NCALD: variants seen among roughly 807,000 people sequenced by gnomAD.
The protein encoded by NCALD is neurocalcin delta, also known as neurocalcin-delta.
Under a neutral mutation model 18.6 loss-of-function variants are expected in NCALD, and 10 were observed. The ratio of observed to expected loss-of-function variants is 0.54; its 90% CI spans 0.33 to 0.91. The LOEUF (loss-of-function observed/expected upper bound fraction) is 0.91, where lower values mean the gene tolerates loss of function less well. NCALD is among the 40% of genes least tolerant of loss of function. NCALD has a pLI of 0.03. For synonymous variants in NCALD, 88 were observed against 87.4 expected, an observed-to-expected ratio of 1.01 and a Z score of -0.04; for missense variants, 184 against 247.6, an observed-to-expected ratio of 0.74 and a Z score of 1.72.
intron 3 of NCALD, among the ~76,000 whole-genome samples, chr8:101,902,113 A>G (rs527900965): frequency 6.6e-6 from 1 of 152,132 alleles, no homozygotes; most frequent in Non-Finnish European, 1.5e-5. Context: ...TTGATAACAC[A>G]TGTTAGGTAG....
At chr8:102,049,547 G>C (rs1451282722) in intron 1 of NCALD, among the ~76,000 whole-genome samples, 1 of 152,058 alleles carries the variant, frequency 6.6e-6, no homozygotes, top group Non-Finnish European at 1.5e-5. Flanking sequence ...ATTCATTTGG[G>C]CAAATACCAA....
intron 1 of NCALD, among the ~76,000 whole-genome samples, chr8:102,056,597 G>C (rs1823659913): frequency 6.6e-6 from 1 of 152,224 alleles, no homozygotes; most frequent in Non-Finnish European, 1.5e-5. Flanking sequence ...CCATGGACTA[G>C]AGTCCTCCAT....
intron 2 of NCALD, among the ~76,000 whole-genome samples, chr8:101,981,710 C>T (rs1020422388): frequency 6.6e-6 from 1 of 152,242 alleles, no homozygotes; most frequent in East Asian, 1.9e-4. Flanking sequence ...GCTACATCTG[C>T]TGAACCTGGC....
At chr8:102,065,298 A>G (rs1438014875) in intron 1 of NCALD, among the ~76,000 whole-genome samples, 2 of 151,484 alleles carry the variant, frequency 1.3e-5, no homozygotes, top group Non-Finnish European at 2.9e-5. Context: ...ACTGCTCCAT[A>G]CGCAGGCGCC....
intron 1 of NCALD, among the ~76,000 whole-genome samples, chr8:102,096,315 G>A (rs964015689): frequency 6.6e-6 from 1 of 152,134 alleles, no homozygotes; most frequent in Non-Finnish European, 1.5e-5. Context: ...TCTCCCCTGT[G>A]TGTATCTGTG....
intron 2 of NCALD, among the ~76,000 whole-genome samples, chr8:101,959,953 C>A (rs1228785304): frequency 6.7e-6 from 1 of 150,214 alleles, no homozygotes; most frequent in Non-Finnish European, 1.5e-5. Flanking sequence ...GCTCCAACGT[C>A]CTTCCTGAAC....
At chr8:102,109,532 G>A (rs149185482) in intron 1 of NCALD, among the ~76,000 whole-genome samples, 55 of 152,284 alleles carry the variant, frequency 3.6e-4, no homozygotes, top group African/African-American at 1.3e-3. Context: ...CCCATCAGTG[G>A]AATAAATTTC....
At chr8:101,771,301 G>T (rs1811575769) in intron 1 of NCALD, among the ~76,000 whole-genome samples, 1 of 152,232 alleles carries the variant, frequency 6.6e-6, no homozygotes, top group East Asian at 1.9e-4. Context: ...GTGGAGGTGG[G>T]GTGGACAAAA....
At chr8:101,804,270 CTAAA>C (rs1269680178) in intron 4 of NCALD, among the ~76,000 whole-genome samples, 9 of 126,986 alleles carry the variant, frequency 7.1e-5, no homozygotes, top group Non-Finnish European at 1.4e-4. Flanking sequence ...TGCATTATCT[CTAAA>C]TATATACTAT....
intron 1 of NCALD, among the ~76,000 whole-genome samples, chr8:101,730,398 T>C (rs991139641): frequency 7.8e-5 from 11 of 141,806 alleles, no homozygotes; most frequent in African/African-American, 2.4e-4. Context: ...GAGAATCACT[T>C]GAATCTGGGA....
intron 3 of NCALD, among the ~76,000 whole-genome samples, chr8:101,903,462 TG>T (rs1259930855): frequency 6.6e-6 from 1 of 152,150 alleles, no homozygotes; most frequent in Non-Finnish European, 1.5e-5. Context: ...CCCAAAGTGC[TG>T]GGGATTACAG....
intron 4 of NCALD, among the ~76,000 whole-genome samples, chr8:101,831,113 G>T (rs906423244): frequency 6.6e-6 from 1 of 152,070 alleles, no homozygotes; most frequent in South Asian, 2.1e-4. Context: ...TTCAGTATTA[G>T]TAAAGTTTAA....
At chr8:101,731,844 T>C (rs1012004883) in intron 1 of NCALD, among the ~76,000 whole-genome samples, 6 of 152,160 alleles carry the variant, frequency 3.9e-5, no homozygotes, top group African/African-American at 1.4e-4. Context: ...AAAGGGCCCA[T>C]GAGAAAGTGG....
chr8:101,741,668 C>T (rs993909065), intron 1 of NCALD, among the ~76,000 whole-genome samples: 1 of 146,008 alleles, frequency 6.8e-6, no homozygotes, highest in Non-Finnish European at 1.5e-5. Context: ...TATGGTGGCT[C>T]ATTTTCCCAG....
intron 1 of NCALD, among the ~76,000 whole-genome samples, chr8:102,117,356 C>T (rs779340440): frequency 2.6e-4 from 40 of 152,202 alleles, no homozygotes; most frequent in Admixed American, 1.3e-4. Context: ...AATCCCTTTC[C>T]CTCAGTACAG....
chr8:102,058,672 C>T (rs1823739615), intron 1 of NCALD, among the ~76,000 whole-genome samples: 3 of 152,258 alleles, frequency 2.0e-5, no homozygotes, highest in South Asian at 2.1e-4. Context: ...ACAGTCTACA[C>T]TCTCAGGCAT....
In NCALD at chr8:101,768,002, A is replaced by G. The variant is rs898413880; in HGVS notation, c.-20+22860T>C. Among the ~76,000 whole-genome samples the G allele has an allele frequency of 2.0e-5, 3 of 152,234 alleles. No homozygotes were observed. The South Asian group carries it at 6.2e-4, about 31-fold the overall frequency. On this transcript the variant is annotated intron_variant, in intron 1 of 3. Coordinates refer to ENST00000220931, the MANE Select transcript of NCALD (RefSeq NM_032041.3). ...ATTTTATTTTCCTAATCTCACAGCAATTCTGGAAGTTATCATCTCTGTTTT... is the reference window on the plus strand; with the variant it reads ...ATTTTATTTTCCTAATCTCACAGCAGTTCTGGAAGTTATCATCTCTGTTTT...
At position 101,895,097 on chromosome 8, in the gene NCALD, T is replaced by C. The variant is rs904331450; in HGVS notation, c.-106-7870A>G. On this transcript the variant is annotated intron_variant, in intron 3 of 6. Transcript: ENST00000311028. ...TTATACCAATATCCTTGATGAACATTGATGCAAAAATCCTCAATAAAATAC... is the reference window on the plus strand; with the variant it reads ...TTATACCAATATCCTTGATGAACATCGATGCAAAAATCCTCAATAAAATAC... 3.4e-4 allele frequency among the ~76,000 whole-genome samples: 51 copies of C among 150,704 alleles called. 1 individual carries two copies. The highest frequency in any genetic ancestry group is 5.6e-4 in the Non-Finnish European group (38 of 68,004).
Position 101,719,343 on chromosome 8 carries a change from T to G in NCALD, c.287A>C (p.Lys96Thr). The G allele has an allele frequency of 6.2e-7, 1 of 1,614,214 alleles. No individual in the cohort carries two copies. Among genetic ancestry groups the G allele is most frequent in the East Asian group, 2.2e-5 (1 of 44,890 alleles). Residue 96 changes from lysine to threonine, a missense_variant, in exon 2 of 4, where the codon AAG (lysine) becomes ACG (threonine). By Grantham distance (78) the Lys-to-Thr change is moderately conservative (BLOSUM62 -1). Transcript: ENST00000220931. ...IIALSVTSRG[K>T]LEQKLKWAFS... ...GGCCCATTTCAGCTTCTGCTCCAGC[T>G]TCCCCCTCGAAGTTACACTCAAGGC...
Sources: allele counts gnomAD v4.1 joint callset (sites outside exome capture counted in the v4.1 genomes callset), GRCh38; gene constraint gnomAD v4.1.1; transcripts MANE v1.5; gene names NCBI Gene and HGNC (gene_info 2026-07-23, HGNC 2026-07-21).